TJP1: variants seen among roughly 807,000 people sequenced by gnomAD.
TJP1 encodes tight junction protein 1.
A neutral mutation model predicts 194.2 loss-of-function variants in TJP1; 43 were observed. The ratio of observed to expected loss-of-function variants is 0.22; its 90% CI spans 0.17 to 0.29. The LOEUF is 0.29. TJP1 is among the 10% of genes least tolerant of loss of function. The probability of loss-of-function intolerance (pLI) is 1.00; values close to 1 mark genes in which losing one functional copy is unlikely to be tolerated. For synonymous variants in TJP1, 801 were observed against 779.0 expected, an observed-to-expected ratio of 1.03 and a Z score of -0.47; for missense variants, 1,971 against 2,185.7, an observed-to-expected ratio of 0.90 and a Z score of 1.96.
intron 10 of TJP1, among the ~76,000 whole-genome samples, chr15:29,737,634 T>G (rs940119669): frequency 1.3e-5 from 2 of 152,212 alleles, no homozygotes; most frequent in African/African-American, 4.8e-5. Flanking sequence ...AAATTTAATA[T>G]GCAAGTACTA....
chr15:29,817,625 A>G (rs1303184587), intron 1 of TJP1, among the ~76,000 whole-genome samples: 1 of 152,220 alleles, frequency 6.6e-6, no homozygotes, highest in East Asian at 1.9e-4. Flanking sequence ...AATGTGGTAC[A>G]TATATACACC....
chr15:29,754,465 CAT>C (rs780914452), intron 8 of TJP1, among the ~76,000 whole-genome samples: 20 of 152,228 alleles, frequency 1.3e-4, no homozygotes, highest in East Asian at 3.9e-4. Context: ...CACGATGACA[CAT>C]GTTTACCTAC....
intron 2 of TJP1, among the ~76,000 whole-genome samples, chr15:29,834,912 C>T (rs775778539): frequency 4.6e-5 from 7 of 152,160 alleles, no homozygotes; most frequent in Non-Finnish European, 7.3e-5. Flanking sequence ...TATCATTCTA[C>T]CTAATAATAA....
At chr15:29,711,089 A>G in intron 23 of TJP1, 89 bp from the exon 24 acceptor site, 1 of 1,392,742 alleles carries the variant, frequency 7.2e-7, no homozygotes, top group Non-Finnish European at 9.6e-7. Flanking sequence ...CTCTAAGTTA[A>G]AAAAAAAAAC....
chr15:29,718,713 TCTG>T lies in TJP1; in HGVS notation c.3426_3428del (p.Ser1142del). 1 of 1,614,170 alleles carries T rather than the reference TCTG, an allele frequency of 6.2e-7. No homozygotes were observed. Among genetic ancestry groups the T allele is most frequent in the South Asian group, 1.1e-5 (1 of 91,078 alleles). On this transcript the variant is annotated inframe_deletion, in exon 21 of 28. Transcript: ENST00000614355. ...CTCTAGGTGCCTGTTCGTAACGTGG[TCTG>T]CTGTCGTAAGACAGAGGGGCTGGCT... is the stretch of plus-strand genomic sequence containing the variant.
intron 1 of TJP1, among the ~76,000 whole-genome samples, chr15:29,959,313 A>C (rs1195150442): frequency 6.6e-6 from 1 of 151,810 alleles, no homozygotes; most frequent in African/African-American, 2.4e-5. Flanking sequence ...TTTTTAATTA[A>C]TGCAATATTC....
In TJP1 at chr15:29,726,284, T is replaced by C. The variant is rs2043230814; in HGVS notation, c.2412+95A>G. On this transcript the variant is annotated intron_variant, in intron 18 of 27. Transcript: ENST00000614355. ...ACTTTCCCCAAATTTCTCCAATATGTTGATCTAATTAGAAAGCACTGGTAT... is the reference window on the plus strand; with the variant it reads ...ACTTTCCCCAAATTTCTCCAATATGCTGATCTAATTAGAAAGCACTGGTAT... 3.8e-6 allele frequency: 4 copies of C among 1,044,820 alleles called. No homozygotes were observed. In the East Asian group the frequency reaches 9.9e-5, roughly 26 times the overall value. 64.7% of individuals were successfully genotyped at this position (1,044,820 alleles called of 1,614,324 possible). A position where few individuals can be genotyped will look rare whatever the true frequency, so the allele number is the denominator to read the frequency against.
At chr15:29,787,433 A>G (rs2151782105) in intron 2 of TJP1, among the ~76,000 whole-genome samples, 1 of 152,312 alleles carries the variant, frequency 6.6e-6, no homozygotes, top group South Asian at 2.1e-4. Context: ...AACAAAAGAG[A>G]AAACACATAC....
chr15:29,748,939 T>TGA (rs1478636763), intron 8 of TJP1, among the ~76,000 whole-genome samples: 1 of 36,100 alleles, frequency 2.8e-5, no homozygotes, highest in Non-Finnish European at 8.3e-5. Context: ...TGTGTGTGTG[T>TGA]GTGTGTGTGT....
At chr15:29,786,907 C>A (rs1271700976) in intron 2 of TJP1, among the ~76,000 whole-genome samples, 1 of 152,162 alleles carries the variant, frequency 6.6e-6, no homozygotes, top group Non-Finnish European at 1.5e-5. Context: ...TTTTACTAGA[C>A]CTTTCTGAGA....
At chr15:29,773,179 T>C in intron 3 of TJP1, 54 bp downstream of exon 3, 1 of 1,603,124 alleles carries the variant, frequency 6.2e-7, no homozygotes. Context: ...CGCCAGTGCC[T>C]GAGGAGAGGA....
intron 2 of TJP1, among the ~76,000 whole-genome samples, chr15:29,911,526 T>C (rs2152225957): frequency 6.6e-6 from 1 of 152,192 alleles, no homozygotes; most frequent in Admixed American, 6.5e-5. Context: ...TTTACAATCA[T>C]GGTGGAAGGC....
intron 25 of TJP1, among the ~76,000 whole-genome samples, chr15:29,708,129 G>C (rs376706145): frequency 1.6e-4 from 25 of 151,634 alleles, no homozygotes; most frequent in African/African-American, 5.6e-4. Flanking sequence ...CCAGGGGGTG[G>C]AGGTTGCAGT....
intron 8 of TJP1, among the ~76,000 whole-genome samples, chr15:29,749,760 C>T (rs2045123604): frequency 6.6e-6 from 1 of 152,202 alleles, no homozygotes. Flanking sequence ...GATCTCAGCC[C>T]TGAGGATGAG....
chr15:29,753,642 C>A (rs976166366), intron 8 of TJP1, among the ~76,000 whole-genome samples: 2 of 151,960 alleles, frequency 1.3e-5, no homozygotes, highest in Non-Finnish European at 2.9e-5. Context: ...ACAGAAGGAA[C>A]ATTCACTGTG....
intron 2 of TJP1, among the ~76,000 whole-genome samples, chr15:29,878,952 G>A (rs749917641): frequency 4.6e-5 from 7 of 151,876 alleles, no homozygotes; most frequent in African/African-American, 1.4e-4. Flanking sequence ...GTGAAACCCC[G>A]TCTCTACTAA....
intron 2 of TJP1, among the ~76,000 whole-genome samples, chr15:29,858,810 T>C (rs572307371): frequency 1.3e-5 from 2 of 152,168 alleles, no homozygotes; most frequent in Admixed American, 6.5e-5. Flanking sequence ...GCTTCCCAAG[T>C]AGCTGGGACT....
At chr15:29,726,542 A>T in intron 17 of TJP1, 63 bp from the exon 18 acceptor site, 2 of 1,476,492 alleles carry the variant, frequency 1.4e-6, no homozygotes, top group Non-Finnish European at 9.4e-7. Flanking sequence ...GAATTAATTC[A>T]ACCCTGCTTA....
intron 2 of TJP1, among the ~76,000 whole-genome samples, chr15:29,912,424 T>C (rs61213468): frequency 0.18 from 27,520 of 152,138 alleles, 2,577 homozygotes; most frequent in Middle Eastern, 0.27. Flanking sequence ...AAGAGGTAGC[T>C]TGGGGCCGGG....
Sources: gnomAD v4.1 joint callset for allele counts (sites outside exome capture counted in the v4.1 genomes callset) on GRCh38, gnomAD v4.1.1 for gene constraint, MANE v1.5 for transcripts, NCBI Gene and HGNC (gene_info 2026-07-23, HGNC 2026-07-21) for gene names.